Variants in IL1RAPL2 observed in about 807,000 individuals in gnomAD.
IL1RAPL2 encodes interleukin 1 receptor accessory protein like 2, also known as X-linked interleukin-1 receptor accessory protein-like 2.
In IL1RAPL2, 3 loss-of-function variants were observed where a neutral mutation model predicts 44.1. The observed-to-expected ratio is 0.07, with a 90% confidence interval of 0.03 to 0.18. The LOEUF (loss-of-function observed/expected upper bound fraction) is 0.18. IL1RAPL2 is among the 10% of genes least tolerant of loss of function. The probability of loss-of-function intolerance (pLI) is 1.00; values close to 1 mark genes in which losing one functional copy is unlikely to be tolerated. For missense variants in IL1RAPL2, 391 were observed against 496.4 expected, an observed-to-expected ratio of 0.79 and a Z score of 2.02; for synonymous variants, 181 against 178.8, an observed-to-expected ratio of 1.01 and a Z score of -0.10.
At chrX:104,668,907 A>C (rs1466751847) in intron 2 of IL1RAPL2, among the ~76,000 whole-genome samples, 1 of 111,006 alleles carries the variant, frequency 9.0e-6, no homozygotes, top group East Asian at 2.9e-4. Flanking sequence ...ACGATTCTTC[A>C]GTTTTTGAGA....
chrX:105,376,208 C>A (rs2035386361), intron 5 of IL1RAPL2, among the ~76,000 whole-genome samples: 2 of 111,907 alleles, frequency 1.8e-5, no homozygotes, highest in South Asian at 7.4e-4. Flanking sequence ...GCTAGTTGGT[C>A]CCAGTAAATT....
At chrX:105,406,458 C>A in intron 5 of IL1RAPL2, 2 of 1,192,790 alleles carry the variant, frequency 1.7e-6, no homozygotes, top group Non-Finnish European at 2.3e-6. Flanking sequence ...TCTCAACCAC[C>A]GGAGGATCAT....
chrX:105,251,852 A>G (rs1006125132), intron 4 of IL1RAPL2, among the ~76,000 whole-genome samples: 2 of 111,360 alleles, frequency 1.8e-5, no homozygotes, highest in African/African-American at 6.5e-5. Flanking sequence ...CTACAACTAT[A>G]GAAATGGAAA....
intron 2 of IL1RAPL2, among the ~76,000 whole-genome samples, chrX:104,763,251 A>G (rs903021984): frequency 8.9e-6 from 1 of 112,037 alleles, no homozygotes; most frequent in African/African-American, 3.3e-5. Context: ...CCAGTTCCCA[A>G]TAAGTTCCTC....
Position 104,902,689 on chromosome X carries a change from CTATATG to C in IL1RAPL2, c.82+243700_82+243705del, listed in dbSNP as rs1413206227. Among the ~76,000 whole-genome samples, 12 of 111,869 alleles carry C rather than the reference CTATATG, an allele frequency of 1.1e-4. No homozygotes were observed. In the East Asian group the frequency reaches 3.1e-3, roughly 29 times the overall value. On this transcript the variant is annotated intron_variant, in intron 2 of 10. Coordinates refer to ENST00000372582, the MANE Select transcript of IL1RAPL2 (RefSeq NM_017416.2). Reference sequence around the variant, plus strand: ...TGAATAATGTGTTCTATTTTCCTGTCTATATGTATATATTCTAGAAATATAACTAGT... The same window carrying C: ...TGAATAATGTGTTCTATTTTCCTGTCTATATATTCTAGAAATATAACTAGT...
At chrX:104,796,842 C>G (rs1391748376) in intron 2 of IL1RAPL2, among the ~76,000 whole-genome samples, 3 of 111,511 alleles carry the variant, frequency 2.7e-5, no homozygotes, top group African/African-American at 9.8e-5. Context: ...ATGATCTCAG[C>G]TCACTGCAAC....
intron 2 of IL1RAPL2, among the ~76,000 whole-genome samples, chrX:104,834,436 T>C (rs978231394): frequency 9.0e-6 from 1 of 111,440 alleles, no homozygotes; most frequent in African/African-American, 3.3e-5. Context: ...ACATTATTAT[T>C]GGCTTGATAA....
intron 5 of IL1RAPL2, among the ~76,000 whole-genome samples, chrX:105,387,946 C>T (rs954542686): frequency 2.8e-5 from 3 of 106,277 alleles, no homozygotes; most frequent in African/African-American, 6.8e-5. Context: ...GTCAGGAGTT[C>T]GAGACCAGCG....
chrX:104,906,643 C>A (rs955021780), intron 2 of IL1RAPL2, among the ~76,000 whole-genome samples: 1 of 111,695 alleles, frequency 9.0e-6, no homozygotes, highest in Non-Finnish European at 1.9e-5. Context: ...GCCTTGCATC[C>A]CAGGGATGAA....
chrX:104,612,435 G>A (rs1929181928), intron 1 of IL1RAPL2, among the ~76,000 whole-genome samples: 2 of 111,930 alleles, frequency 1.8e-5, no homozygotes, highest in African/African-American at 6.5e-5. Context: ...TTATTGAATA[G>A]GGAGTCCTTT....
In IL1RAPL2 at chrX:104,630,068, C is replaced by T. The variant is rs187408325; in HGVS notation, c.-19-28827C>T. On this transcript the variant is annotated intron_variant, in intron 1 of 10. Coordinates refer to ENST00000372582, the MANE Select transcript of IL1RAPL2 (RefSeq NM_017416.2). ...GTGTGATCTCGGCTCACTGCAACCT[C>T]CACCTCCCTGGTTCAAGCAATTCCC... Among the ~76,000 whole-genome samples the T allele has an allele frequency of 2.6e-4, 29 of 110,780 alleles. 1 individual carries two copies. Among genetic ancestry groups the T allele is most frequent in the South Asian group, 7.7e-4 (2 of 2,608 alleles).
intron 6 of IL1RAPL2, among the ~76,000 whole-genome samples, chrX:105,697,564 G>T (rs899810021): frequency 9.1e-6 from 1 of 110,208 alleles, no homozygotes; most frequent in South Asian, 3.9e-4. Flanking sequence ...GAACTATAGC[G>T]GACATGGTAG....
chrX:105,202,055 C>T (rs1373557772), intron 3 of IL1RAPL2, among the ~76,000 whole-genome samples: 1 of 111,537 alleles, frequency 9.0e-6, no homozygotes, highest in Non-Finnish European at 1.9e-5. Flanking sequence ...TTTTACATAG[C>T]AAAGAAGTAA....
At chrX:104,634,495 C>G (rs747974692) in intron 1 of IL1RAPL2, among the ~76,000 whole-genome samples, 1 of 111,424 alleles carries the variant, frequency 9.0e-6, no homozygotes, top group Non-Finnish European at 1.9e-5. Context: ...CTTTGTAGGT[C>G]TCTAAGGACT....
intron 2 of IL1RAPL2, among the ~76,000 whole-genome samples, chrX:104,857,512 T>C (rs912263333): frequency 2.7e-5 from 3 of 112,069 alleles, no homozygotes; most frequent in African/African-American, 9.7e-5. Context: ...CTGGAATTCA[T>C]GGAAAGACTG....
intron 5 of IL1RAPL2, among the ~76,000 whole-genome samples, chrX:105,288,437 T>G (rs545224529): frequency 1.8e-5 from 2 of 110,995 alleles, no homozygotes; most frequent in Non-Finnish European, 3.8e-5. Flanking sequence ...TTCTCTAATT[T>G]TTTCACATAT....
At chrX:105,568,359 A>G (rs1162293973) in intron 6 of IL1RAPL2, among the ~76,000 whole-genome samples, 1 of 112,257 alleles carries the variant, frequency 8.9e-6, no homozygotes. Context: ...AAAATCAGGT[A>G]TGTGAAATAT....
intron 2 of IL1RAPL2, among the ~76,000 whole-genome samples, chrX:104,965,087 C>A (rs2030093633): frequency 8.9e-6 from 1 of 111,987 alleles, no homozygotes; most frequent in Admixed American, 9.5e-5. Context: ...AGTAAACTTG[C>A]AGTTGCCCTG....
At chrX:105,690,881 T>C in intron 6 of IL1RAPL2, among the ~76,000 whole-genome samples, 1 of 111,246 alleles carries the variant, frequency 9.0e-6, no homozygotes. Flanking sequence ...CAACAAAAAT[T>C]TTTTCCTCAC....
Sources: gnomAD v4.1 joint callset for allele counts (sites outside exome capture counted in the v4.1 genomes callset) on GRCh38, gnomAD v4.1.1 for gene constraint, MANE v1.5 for transcripts, NCBI Gene and HGNC (gene_info 2026-07-23, HGNC 2026-07-21) for gene names.